SDK1: variants seen among roughly 807,000 people sequenced by gnomAD.
SDK1 encodes the protein sidekick cell adhesion molecule 1.
A neutral mutation model predicts 245.5 loss-of-function variants in SDK1; 157 were observed. The observed-to-expected ratio is 0.64, with a 90% CI of 0.56 to 0.73. The LOEUF is 0.73. SDK1 is among the 30% of genes least tolerant of loss of function. The pLI, the probability that SDK1 is intolerant of heterozygous loss-of-function variation, is 0.00. For synonymous variants in SDK1, 1,647 were observed against 1,278.5 expected (o/e 1.29, Z -6.15); for missense variants, 3,583 against 3,002.3 (o/e 1.19, Z -4.52).
At chr7:3,812,184 T>G (rs1377432719) in intron 4 of SDK1, among the ~76,000 whole-genome samples, 1 of 152,242 alleles carries the variant, frequency 6.6e-6, no homozygotes, top group East Asian at 1.9e-4. Context: ...CTCCTGTATT[T>G]GCTTGGGTTC....
chr7:4,023,986 G>A (rs1787137510), intron 17 of SDK1, among the ~76,000 whole-genome samples: 2 of 152,136 alleles, frequency 1.3e-5, no homozygotes, highest in South Asian at 4.2e-4. Flanking sequence ...CGCAGATGTT[G>A]GTTTTTCTAG....
At chr7:3,843,129 T>A (rs180903325) in intron 5 of SDK1, among the ~76,000 whole-genome samples, 115 of 152,288 alleles carry the variant, frequency 7.6e-4, no homozygotes, top group African/African-American at 2.5e-3. Context: ...GGGGCCCTGA[T>A]TTATGGAACC....
intron 36 of SDK1, among the ~76,000 whole-genome samples, chr7:4,207,667 G>A (rs570594626): frequency 6.6e-6 from 1 of 152,056 alleles, no homozygotes; most frequent in Non-Finnish European, 1.5e-5. Context: ...GGAGCAGGGG[G>A]TGGACACGGG....
At chr7:4,251,418 A>T (rs965717766) in intron 44 of SDK1, among the ~76,000 whole-genome samples, 1 of 152,222 alleles carries the variant, frequency 6.6e-6, no homozygotes, top group African/African-American at 2.4e-5. Context: ...AGGCACACAG[A>T]ACACACTTAG....
intron 1 of SDK1, among the ~76,000 whole-genome samples, chr7:3,490,421 T>G (rs1781832081): frequency 6.6e-6 from 1 of 152,200 alleles, no homozygotes; most frequent in African/African-American, 2.4e-5. Context: ...TGAAATAAAT[T>G]TATGCATTCA....
intron 4 of SDK1, among the ~76,000 whole-genome samples, chr7:3,715,548 A>C (rs1202616962): frequency 1.3e-5 from 2 of 152,228 alleles, no homozygotes; most frequent in African/African-American, 4.8e-5. Context: ...TAGCAGGGAT[A>C]GAGAAGGATC....
intron 5 of SDK1, among the ~76,000 whole-genome samples, chr7:3,882,619 A>G (rs1457957243): frequency 6.6e-6 from 1 of 152,214 alleles, no homozygotes; most frequent in Admixed American, 6.5e-5. Flanking sequence ...ACATGGAGCC[A>G]GTGTAGAATG....
chr7:4,030,294 C>T (rs191570232), intron 17 of SDK1, among the ~76,000 whole-genome samples: 1 of 152,304 alleles, frequency 6.6e-6, no homozygotes, highest in Admixed American at 6.5e-5. Flanking sequence ...AGTGTGACAG[C>T]TATATATGTG....
intron 4 of SDK1, among the ~76,000 whole-genome samples, chr7:3,718,317 A>G (rs571255862): frequency 1.7e-4 from 26 of 152,160 alleles, no homozygotes; most frequent in African/African-American, 5.5e-4. Context: ...CCTGGGTGAC[A>G]TGGTGAAACC....
chr7:3,741,583 A>G (rs977523738), intron 4 of SDK1, among the ~76,000 whole-genome samples: 4 of 152,342 alleles, frequency 2.6e-5, no homozygotes, highest in South Asian at 2.1e-4. Flanking sequence ...TTAATACTAC[A>G]GATTTGTGCT....
At chr7:4,139,484 TG>T in intron 28 of SDK1, among the ~76,000 whole-genome samples, 3 of 148,854 alleles carry the variant, frequency 2.0e-5, no homozygotes, top group Non-Finnish European at 4.5e-5. Flanking sequence ...TGTATATGTG[TG>T]TGTATATATG....
intron 4 of SDK1, among the ~76,000 whole-genome samples, chr7:3,684,763 A>G (rs1441535878): frequency 2.5e-4 from 1 of 4,010 alleles, no homozygotes; most frequent in Non-Finnish European, 7.7e-4. Flanking sequence ...GAAATAAATG[A>G]AAAAAAAAAA....
At chr7:3,680,247 A>G (rs781221166) in intron 4 of SDK1, among the ~76,000 whole-genome samples, 13 of 152,182 alleles carry the variant, frequency 8.5e-5, no homozygotes, top group Non-Finnish European at 8.8e-5. Context: ...AAATGACTCA[A>G]TTACGGAGAT....
chr7:3,615,235 G>A (rs1781729519), intron 1 of SDK1, among the ~76,000 whole-genome samples: 1 of 151,588 alleles, frequency 6.6e-6, no homozygotes, highest in East Asian at 1.9e-4. Context: ...CATTAATAAA[G>A]CCTGTAGCTC....
chr7:3,817,693 C>T (rs1256744679), intron 4 of SDK1, among the ~76,000 whole-genome samples: 2 of 152,178 alleles, frequency 1.3e-5, no homozygotes, highest in Non-Finnish European at 2.9e-5. Context: ...GGCCCTCCCT[C>T]CCCCATGCCC....
intron 44 of SDK1, among the ~76,000 whole-genome samples, chr7:4,256,233 G>T (rs894954822): frequency 6.6e-6 from 1 of 152,202 alleles, no homozygotes; most frequent in African/African-American, 2.4e-5. Context: ...AGAGATTTTA[G>T]ATGGTTATTT....
chr7:3,726,945 G>C (rs1376032466), intron 4 of SDK1, among the ~76,000 whole-genome samples: 2 of 152,230 alleles, frequency 1.3e-5, no homozygotes, highest in African/African-American at 2.4e-5. Context: ...AGATTGGAAA[G>C]AAACACCATT....
intron 1 of SDK1, among the ~76,000 whole-genome samples, chr7:3,557,981 C>G (rs923716493): frequency 6.6e-6 from 1 of 152,084 alleles, no homozygotes; most frequent in Admixed American, 6.5e-5. Context: ...TTAGACAAAG[C>G]ATAGTTTTGT....
intron 4 of SDK1, among the ~76,000 whole-genome samples, chr7:3,805,691 A>C (rs558245277): frequency 1.8e-4 from 27 of 152,210 alleles, no homozygotes; most frequent in Non-Finnish European, 3.7e-4. Flanking sequence ...CAGAAGAGTA[A>C]GTGAATTAGT....
Sources: allele counts gnomAD v4.1 joint callset (sites outside exome capture counted in the v4.1 genomes callset), GRCh38; gene constraint gnomAD v4.1.1; transcripts MANE v1.5; gene names NCBI Gene and HGNC (gene_info 2026-07-23, HGNC 2026-07-21).